KAZN: variants seen among roughly 807,000 people sequenced by gnomAD.
The protein encoded by KAZN is kazrin, periplakin interacting protein.
Under a neutral mutation model 87.4 loss-of-function variants are expected in KAZN, and 40 were observed. The ratio of observed to expected loss-of-function variants is 0.46; its 90% CI spans 0.36 to 0.60. The LOEUF is 0.60. Among genes scored for constraint, KAZN ranks in the 20% least tolerant of loss-of-function variants. The probability of loss-of-function intolerance (pLI) is 0.00; values close to 1 mark genes in which losing one functional copy is unlikely to be tolerated. For synonymous variants in KAZN, 466 were observed against 458.3 expected, an observed-to-expected ratio of 1.02 and a Z score of -0.22; for missense variants, 898 against 1,073.9, an observed-to-expected ratio of 0.84 and a Z score of 2.29.
Position 14,388,386 on chromosome 1 carries a change from C to T in KAZN, c.249+207794C>T, listed in dbSNP as rs192767741. On this transcript the variant is annotated intron_variant, in intron 2 of 16. Transcript: ENST00000636203. ...ACTTCATATGGAACCACAAAAGACC[C>T]TGAATAGCCAAGGCTATCCTAAACA... Among the ~76,000 whole-genome samples, 267 of 152,280 alleles carry T rather than the reference C, an allele frequency of 1.8e-3. 1 individual carries two copies. Among genetic ancestry groups the T allele is most frequent in the African/African-American group, 6.1e-3 (255 of 41,566 alleles).
chr1:13,910,036 G>A (rs1297559827), intron 1 of KAZN, among the ~76,000 whole-genome samples: 1 of 152,162 alleles, frequency 6.6e-6, no homozygotes, highest in African/African-American at 2.4e-5. Context: ...AGTGGGGTCT[G>A]GTATGGTTTA....
chr1:14,813,857 G>A (rs1646487239), intron 1 of KAZN, among the ~76,000 whole-genome samples: 1 of 152,210 alleles, frequency 6.6e-6, no homozygotes, highest in African/African-American at 2.4e-5. Context: ...AAACAAGACA[G>A]AGGATGTAGA....
chr1:14,318,861 C>A (rs922612468), intron 2 of KAZN, among the ~76,000 whole-genome samples: 15 of 151,758 alleles, frequency 9.9e-5, no homozygotes, highest in African/African-American at 3.4e-4. Flanking sequence ...CTAGAGACTT[C>A]ATTGGTTCTT....
chr1:14,104,872 T>G (rs1644333919), intron 1 of KAZN, among the ~76,000 whole-genome samples: 1 of 152,226 alleles, frequency 6.6e-6, no homozygotes, highest in South Asian at 2.1e-4. Flanking sequence ...TTCTTTTGCC[T>G]TCATTCCTGA....
intron 1 of KAZN, among the ~76,000 whole-genome samples, chr1:14,774,524 G>T (rs1645120313): frequency 6.7e-6 from 1 of 149,180 alleles, no homozygotes; most frequent in Non-Finnish European, 1.5e-5. Context: ...AGGCTGGAGT[G>T]CAGTGGTGCA....
At chr1:14,177,577 G>A (rs928773698) in intron 1 of KAZN, among the ~76,000 whole-genome samples, 2 of 152,054 alleles carry the variant, frequency 1.3e-5, no homozygotes, top group Non-Finnish European at 2.9e-5. Context: ...CAGTACTTTC[G>A]AAATGTCAAT....
At chr1:14,589,132 T>C (rs1160926327) in intron 2 of KAZN, among the ~76,000 whole-genome samples, 1 of 152,132 alleles carries the variant, frequency 6.6e-6, no homozygotes, top group African/African-American at 2.4e-5. Flanking sequence ...CAGCTGGCTG[T>C]TCCTGGGTGA....
chr1:14,445,759 A>C (rs1222563490), intron 2 of KAZN, among the ~76,000 whole-genome samples: 1 of 152,100 alleles, frequency 6.6e-6, no homozygotes, highest in Non-Finnish European at 1.5e-5. Flanking sequence ...AGCATAGAAC[A>C]CACATATTGG....
At chr1:14,193,437 C>A (rs58675486) in intron 2 of KAZN, among the ~76,000 whole-genome samples, 2,640 of 152,230 alleles carry the variant, frequency 0.017, 82 homozygotes, top group African/African-American at 0.06. Flanking sequence ...ATGCATGGGG[C>A]TACCAGAAGC....
intron 1 of KAZN, among the ~76,000 whole-genome samples, chr1:14,878,953 A>C (rs578211851): frequency 6.6e-6 from 1 of 152,190 alleles, no homozygotes; most frequent in Non-Finnish European, 1.5e-5. Flanking sequence ...CCCTGGCTTC[A>C]TGTTTCTAAG....
intron 2 of KAZN, among the ~76,000 whole-genome samples, chr1:14,220,706 A>G (rs1255595000): frequency 1.3e-5 from 2 of 152,184 alleles, no homozygotes; most frequent in Non-Finnish European, 2.9e-5. Context: ...CGTCAACACT[A>G]TCTTACTAGC....
intron 1 of KAZN, among the ~76,000 whole-genome samples, chr1:14,167,005 C>T (rs577988260): frequency 1.5e-4 from 23 of 152,256 alleles, no homozygotes; most frequent in African/African-American, 4.6e-4. Flanking sequence ...TCCTAAGGTG[C>T]GTGAGATAGC....
At chr1:14,382,069 C>A (rs181575372) in intron 2 of KAZN, among the ~76,000 whole-genome samples, 1 of 151,966 alleles carries the variant, frequency 6.6e-6, no homozygotes, top group African/African-American at 2.4e-5. Context: ...GAAAGTAATC[C>A]CACTGACAAT....
At chr1:13,896,732 A>T (rs1326010756) in intron 1 of KAZN, among the ~76,000 whole-genome samples, 3 of 152,230 alleles carry the variant, frequency 2.0e-5, no homozygotes, top group Admixed American at 1.3e-4. Flanking sequence ...TCTAAATTGC[A>T]TAGTCCCTGG....
chr1:14,815,923 C>T (rs1391830916), intron 1 of KAZN, among the ~76,000 whole-genome samples: 3 of 152,162 alleles, frequency 2.0e-5, no homozygotes, highest in Non-Finnish European at 4.4e-5. Context: ...CTTCCAGCCT[C>T]GAGGCAAATG....
At chr1:14,617,340 A>T (rs1489382872) in intron 1 of KAZN, among the ~76,000 whole-genome samples, 1 of 152,234 alleles carries the variant, frequency 6.6e-6, no homozygotes, top group African/African-American at 2.4e-5. Context: ...AGTGTACAAT[A>T]GCATTCTGTC....
rs1553181094 is a variant in KAZN, at chr1:13,981,089, T to TCTCTCTCTCTCTCTC, written c.91+87333_91+87334insCTCTCTCTCTCTCTC. On this transcript the variant is annotated intron_variant, in intron 1 of 16. Transcript: ENST00000636203. ...TTGGAGAGGTATAAAAAATTACTCT[T>TCTCTCTCTCTCTCTC]TATATATATATATATATATATGTAT... Among the ~76,000 whole-genome samples the TCTCTCTCTCTCTCTC allele has an allele frequency of 5.2e-4, 33 of 63,134 alleles. 1 individual carries two copies. Among genetic ancestry groups the TCTCTCTCTCTCTCTC allele is most frequent in the African/African-American group, 1.7e-3 (30 of 17,200 alleles). 41.4% of individuals were successfully genotyped at this position (63,134 alleles called of 152,430 possible).
At chr1:15,026,022 G>GA (rs142511499) in intron 2 of KAZN, among the ~76,000 whole-genome samples, 4,306 of 149,998 alleles carry the variant, frequency 0.029, 222 homozygotes, top group African/African-American at 0.097. Context: ...CTTTGAAACG[G>GA]AAAAAAAAAC....
chr1:14,201,905 TGA>T (rs1465692718), intron 2 of KAZN, among the ~76,000 whole-genome samples: 1 of 152,230 alleles, frequency 6.6e-6, no homozygotes, highest in Non-Finnish European at 1.5e-5. Context: ...CGACCTCAGG[TGA>T]TCCGCCTGCC....
Sources: allele counts gnomAD v4.1 joint callset (sites outside exome capture counted in the v4.1 genomes callset), GRCh38; gene constraint gnomAD v4.1.1; transcripts MANE v1.5; gene names NCBI Gene and HGNC (gene_info 2026-07-23, HGNC 2026-07-21).